The following LUZP2 variants were observed in gnomAD, a reference collection of about 807,000 sequenced individuals.
LUZP2 encodes the protein leucine zipper protein 2.
A neutral mutation model predicts 51.6 loss-of-function variants in LUZP2; 52 were observed. The observed-to-expected ratio is 1.01, with a 90% CI of 0.81 to 1.27. The LOEUF is 1.27. Among genes scored for constraint, LUZP2 ranks in the 50% most tolerant of loss-of-function variants. The pLI, the probability that LUZP2 is intolerant of heterozygous loss-of-function variation, is 0.00. For missense variants in LUZP2, 436 were observed against 395.4 expected (o/e 1.10, Z -0.87); for synonymous variants, 154 against 137.3 (o/e 1.12, Z -0.85).
chr11:24,738,227 A>G lies in LUZP2; in HGVS notation c.258A>G (p.Glu86=). Residue 86 remains glutamate, a synonymous_variant, in exon 4 of 12, where the codon GAA becomes GAG. Transcript: ENST00000336930. ...LLELGQKQRE[E]MKSLQEALQN... is the part of the protein sequence containing the mutation. ...CTGTTTTCTACTAAAATAGAGAAGA[A>G]ATGAAGTCTCTTCAGGAGGCCCTGC... The G allele has an allele frequency of 6.2e-7, 1 of 1,604,674 alleles. No homozygotes were observed. Among genetic ancestry groups the G allele is most frequent in the Non-Finnish European group, 8.5e-7 (1 of 1,172,844 alleles).
At chr11:24,660,182 C>T (rs1855971356) in intron 1 of LUZP2, among the ~76,000 whole-genome samples, 1 of 152,106 alleles carries the variant, frequency 6.6e-6, no homozygotes, top group African/African-American at 2.4e-5. Flanking sequence ...TCCAGAGGAA[C>T]CTGGTTTGAA....
intron 1 of LUZP2, among the ~76,000 whole-genome samples, chr11:24,541,825 A>G (rs1851374771): frequency 6.6e-6 from 1 of 152,126 alleles, no homozygotes; most frequent in African/African-American, 2.4e-5. Context: ...AAGCATGAAG[A>G]TAAGTACAGC....
chr11:24,700,244 AG>A (rs1264479944), intron 1 of LUZP2, among the ~76,000 whole-genome samples: 4 of 151,932 alleles, frequency 2.6e-5, no homozygotes, highest in Non-Finnish European at 5.9e-5. Context: ...TTGTATTTTT[AG>A]TAGAGACAGG....
At chr11:24,897,267 G>C (rs1328241775) in intron 5 of LUZP2, among the ~76,000 whole-genome samples, 1 of 152,210 alleles carries the variant, frequency 6.6e-6, no homozygotes, top group Non-Finnish European at 1.5e-5. Flanking sequence ...GCAGGATGCA[G>C]GTGGGGTCAG....
chr11:24,861,069 T>A (rs537545715), intron 5 of LUZP2, among the ~76,000 whole-genome samples: 1 of 152,274 alleles, frequency 6.6e-6, no homozygotes, highest in South Asian at 2.1e-4. Context: ...GATAAAAGAT[T>A]TGAAGAACTG....
intron 5 of LUZP2, among the ~76,000 whole-genome samples, chr11:24,803,624 A>T (rs1304870772): frequency 6.6e-6 from 1 of 152,114 alleles, no homozygotes; most frequent in Non-Finnish European, 1.5e-5. Flanking sequence ...GTGGTGTATC[A>T]TACAATGGAA....
At chr11:24,563,083 T>G (rs1852104219) in intron 1 of LUZP2, among the ~76,000 whole-genome samples, 1 of 152,146 alleles carries the variant, frequency 6.6e-6, no homozygotes, top group Non-Finnish European at 1.5e-5. Flanking sequence ...TTTGGAAAAG[T>G]GAAATGTGAT....
At chr11:25,058,914 G>A (rs10437616) in intron 10 of LUZP2, among the ~76,000 whole-genome samples, 72,116 of 152,046 alleles carry the variant, frequency 0.47, 17,808 homozygotes, top group Non-Finnish European at 0.53. Context: ...TCAATTTCCT[G>A]CATAAATTGG....
intron 1 of LUZP2, among the ~76,000 whole-genome samples, chr11:24,691,742 A>G (rs1215461086): frequency 6.6e-6 from 1 of 152,078 alleles, no homozygotes; most frequent in South Asian, 2.1e-4. Context: ...GGGAACTTGT[A>G]TAACTTTGGA....
intron 6 of LUZP2, among the ~76,000 whole-genome samples, chr11:24,909,251 A>C (rs1442163964): frequency 6.6e-6 from 1 of 151,974 alleles, no homozygotes; most frequent in Non-Finnish European, 1.5e-5. Flanking sequence ...TCATTGAATA[A>C]TTGATGTTTT....
chr11:24,653,195 T>C (rs1855686831), intron 1 of LUZP2, among the ~76,000 whole-genome samples: 1 of 152,086 alleles, frequency 6.6e-6, no homozygotes. Flanking sequence ...CAAGAATAGA[T>C]GATGTTGTCC....
chr11:24,630,761 T>C (rs1380082565), intron 1 of LUZP2, among the ~76,000 whole-genome samples: 2 of 151,670 alleles, frequency 1.3e-5, no homozygotes, highest in African/African-American at 4.8e-5. Flanking sequence ...TGATAGAGTT[T>C]GCACCGAATC....
At chr11:24,677,846 G>C (rs1856615281) in intron 1 of LUZP2, among the ~76,000 whole-genome samples, 2 of 151,958 alleles carry the variant, frequency 1.3e-5, no homozygotes, top group African/African-American at 4.8e-5. Flanking sequence ...TCAGGAGATC[G>C]ATACCATGAT....
chr11:24,888,962 A>C (rs1724536251), intron 5 of LUZP2, among the ~76,000 whole-genome samples: 1 of 152,122 alleles, frequency 6.6e-6, no homozygotes, highest in African/African-American at 2.4e-5. Flanking sequence ...AGCCATGCTG[A>C]ACTGTGAGTC....
chr11:24,547,969 T>C (rs777863101), intron 1 of LUZP2, among the ~76,000 whole-genome samples: 8 of 152,050 alleles, frequency 5.3e-5, no homozygotes, highest in Non-Finnish European at 1.0e-4. Context: ...CCACTAATCA[T>C]TGGAGAAGTG....
intron 1 of LUZP2, among the ~76,000 whole-genome samples, chr11:24,639,533 C>T (rs1197432454): frequency 6.6e-6 from 1 of 151,778 alleles, no homozygotes; most frequent in East Asian, 1.9e-4. Flanking sequence ...CTCACCGCAA[C>T]CTCCGCCTCC....
At position 25,050,528 on chromosome 11, in the gene LUZP2, T is replaced by C. The variant is rs111398731; in HGVS notation, c.858+398T>C. Among the ~76,000 whole-genome samples the C allele has an allele frequency of 9.2e-3, 1,395 of 152,144 alleles. 24 individuals are homozygous for C. The highest frequency in any genetic ancestry group is 0.031 in the African/African-American group (1,291 of 41,504). ...ACCGTGTTAACCAGGCTGGTCTTGATCGCCTGACCTCGTGATCCGCCCACC... is the reference window on the plus strand; with the variant it reads ...ACCGTGTTAACCAGGCTGGTCTTGACCGCCTGACCTCGTGATCCGCCCACC... On this transcript the variant is annotated intron_variant, in intron 10 of 11. Transcript: ENST00000336930.
At chr11:25,023,241 A>C (rs1239618692) in intron 9 of LUZP2, among the ~76,000 whole-genome samples, 1 of 151,910 alleles carries the variant, frequency 6.6e-6, no homozygotes, top group Non-Finnish European at 1.5e-5. Flanking sequence ...TCCTCTTTGT[A>C]CCTCTGGTAG....
chr11:24,773,445 A>T (rs1305948651), intron 5 of LUZP2, among the ~76,000 whole-genome samples: 2 of 152,194 alleles, frequency 1.3e-5, no homozygotes, highest in Non-Finnish European at 2.9e-5. Flanking sequence ...GATAAAGTAC[A>T]TTCCTAGAGA....
Sources: allele counts gnomAD v4.1 joint callset (sites outside exome capture counted in the v4.1 genomes callset), GRCh38; gene constraint gnomAD v4.1.1; transcripts MANE v1.5; gene names NCBI Gene and HGNC (gene_info 2026-07-23, HGNC 2026-07-21).